Variants in GCSAML observed in about 807,000 individuals in gnomAD.
GCSAML encodes the protein germinal center associated signaling and motility like.
A neutral mutation model predicts 13.0 loss-of-function variants in GCSAML; 9 were observed. That is an observed-to-expected ratio of 0.69 (90% confidence interval 0.42 to 1.21). The LOEUF is 1.21. Ranked by LOEUF, GCSAML falls within the 50% of genes most tolerant of loss-of-function variation. The probability of loss-of-function intolerance (pLI) is 0.00; values close to 1 mark genes in which losing one functional copy is unlikely to be tolerated. For synonymous variants in GCSAML, 37 were observed against 52.9 expected, an observed-to-expected ratio of 0.70 and a Z score of 1.31; for missense variants, 143 against 153.4, an observed-to-expected ratio of 0.93 and a Z score of 0.36.
chr1:247,530,748 T>G (rs1311646599), intron 2 of GCSAML: 2 of 149,440 alleles, frequency 1.3e-5, no homozygotes, highest in Non-Finnish European at 2.9e-5. Flanking sequence ...CCGTCAGGAC[T>G]AGGTAGGTCT....
At chr1:247,571,029 T>C (rs1180495766) in intron 4 of GCSAML, among the ~76,000 whole-genome samples, 1 of 152,072 alleles carries the variant, frequency 6.6e-6, no homozygotes, top group Non-Finnish European at 1.5e-5. Context: ...CACCACCTGC[T>C]CTTTTTTGCT....
At chr1:247,561,091 C>A (rs972964112) in intron 2 of GCSAML, among the ~76,000 whole-genome samples, 1 of 152,046 alleles carries the variant, frequency 6.6e-6, no homozygotes, top group African/African-American at 2.4e-5. Flanking sequence ...GTAGCTGAGA[C>A]TACAGGTGCA....
chr1:247,533,349 A>G (rs1667088276), intron 2 of GCSAML, among the ~76,000 whole-genome samples: 1 of 152,130 alleles, frequency 6.6e-6, no homozygotes, highest in Non-Finnish European at 1.5e-5. Flanking sequence ...TCTTCCCCGC[A>G]GTTAGCCATA....
intron 2 of GCSAML, among the ~76,000 whole-genome samples, chr1:247,532,948 A>G (rs1470469070): frequency 6.6e-6 from 1 of 152,186 alleles, no homozygotes; most frequent in African/African-American, 2.4e-5. Context: ...AAATGGAAAT[A>G]TTATAGTAAC....
intron 4 of GCSAML, among the ~76,000 whole-genome samples, chr1:247,566,169 A>G (rs1463851028): frequency 6.6e-6 from 1 of 152,118 alleles, no homozygotes; most frequent in East Asian, 1.9e-4. Context: ...AAAAACCAAA[A>G]AGTATTTCAA....
Position 247,527,265 on chromosome 1 carries a change from A to G in GCSAML, c.-148+211A>G, listed in dbSNP as rs532119123. 3 of 352,424 alleles carry G rather than the reference A, an allele frequency of 8.5e-6. No homozygotes were observed. The highest frequency in any genetic ancestry group is 4.4e-5 in the South Asian group (2 of 45,590). The allele number at this position is 352,424 out of a possible 1,614,324, so 21.8% of individuals were successfully genotyped here. A position where few individuals can be genotyped will look rare whatever the true frequency, so the allele number is the denominator to read the frequency against. ...CAGGGCAAAGCACAGTGCTGTCCTC[A>G]TGGTTCTGGGAGGGTCTGCGTTGTC... is the stretch of plus-strand genomic sequence containing the variant. On this transcript the variant is annotated intron_variant, in intron 2 of 5. Transcript: ENST00000366489. The surrounding 1 kb of genome is among the most constrained non-coding windows in gnomAD (Gnocchi z 4.6).
chr1:247,516,560 T>G (rs1050968010), intron 1 of GCSAML, among the ~76,000 whole-genome samples: 2 of 151,838 alleles, frequency 1.3e-5, no homozygotes, highest in African/African-American at 2.4e-5. Context: ...ACTGTTTTTT[T>G]TTTTTTTTTT....
At chr1:247,554,655 T>C (rs897758233) in intron 1 of GCSAML, among the ~76,000 whole-genome samples, 10 of 152,288 alleles carry the variant, frequency 6.6e-5, no homozygotes, top group Middle Eastern at 6.8e-3. Flanking sequence ...TCCTTTATGA[T>C]TCCCTCTTTA....
chr1:247,576,982 C>T lies in GCSAML; in HGVS notation c.*2600C>T, dbSNP rs1407183195. 1.3e-5 allele frequency: 2 copies of T among 152,084 alleles called. No individual in the cohort carries two copies. Among genetic ancestry groups the T allele is most frequent in the South Asian group, 2.1e-4 (1 of 4,832 alleles). 9.4% of individuals were successfully genotyped at this position (152,084 alleles called of 1,614,324 possible). A position where few individuals can be genotyped will look rare whatever the true frequency, so the allele number is the denominator to read the frequency against. ...AAACAGTATTGATTGGTAGAAGGAA[C>T]GTTGAAATCCAAGAGCATCAATGTC... On this transcript the variant is annotated 3_prime_UTR_variant, in exon 5 of 5. Coordinates refer to ENST00000366488, the MANE Select transcript of GCSAML (RefSeq NM_145278.5).
chr1:247,516,969 A>C (rs1296049755), intron 1 of GCSAML, among the ~76,000 whole-genome samples: 1 of 152,214 alleles, frequency 6.6e-6, no homozygotes, highest in Non-Finnish European at 1.5e-5. Context: ...AGTGCAGGTC[A>C]TAAGACATAC....
intron 2 of GCSAML, among the ~76,000 whole-genome samples, chr1:247,534,464 T>C (rs1042641372): frequency 5.9e-5 from 9 of 152,202 alleles, no homozygotes; most frequent in Non-Finnish European, 1.2e-4. Flanking sequence ...GCCAGAGTCA[T>C]GCAGAAGGGT....
intron 2 of GCSAML, among the ~76,000 whole-genome samples, chr1:247,563,144 G>A (rs1019679170): frequency 3.3e-5 from 5 of 151,674 alleles, no homozygotes; most frequent in African/African-American, 7.3e-5. Context: ...CATCCCACCC[G>A]GCCACCACAC....
At chr1:247,557,010 T>A (rs1667978612) in intron 2 of GCSAML, among the ~76,000 whole-genome samples, 1 of 152,180 alleles carries the variant, frequency 6.6e-6, no homozygotes, top group African/African-American at 2.4e-5. Context: ...GCCACCAAAC[T>A]CAGCCTCACT....
At chr1:247,532,655 T>A in intron 2 of GCSAML, 1 of 819,046 alleles carries the variant, frequency 1.2e-6, no homozygotes, top group Non-Finnish European at 1.9e-6. Context: ...AGAGACACAA[T>A]TTCACTGTGT....
chr1:247,544,758 G>C (rs1667512265), upstream of GCSAML, among the ~76,000 whole-genome samples: 1 of 152,188 alleles, frequency 6.6e-6, no homozygotes, highest in Non-Finnish European at 1.5e-5. Context: ...GGGAGCCCAA[G>C]GCAGGAGAAT....
At chr1:247,513,345 C>T (rs972827144) in intron 1 of GCSAML, among the ~76,000 whole-genome samples, 6 of 152,148 alleles carry the variant, frequency 3.9e-5, no homozygotes, top group African/African-American at 9.7e-5. Context: ...TCAGTAATGG[C>T]GGACACCCCT....
chr1:247,547,946 G>A (rs1179047406), upstream of GCSAML, among the ~76,000 whole-genome samples: 1 of 152,158 alleles, frequency 6.6e-6, no homozygotes, highest in Non-Finnish European at 1.5e-5. Context: ...TGACATTCCT[G>A]CTTGTAATAT....
upstream of GCSAML, among the ~76,000 whole-genome samples, chr1:247,547,274 G>C (rs1214162783): frequency 2.0e-5 from 3 of 152,148 alleles, no homozygotes; most frequent in Non-Finnish European, 4.4e-5. Context: ...CAGCAGCCAT[G>C]GCCATAATAA....
intron 4 of GCSAML, among the ~76,000 whole-genome samples, chr1:247,571,605 C>G (rs1159630899): frequency 6.6e-6 from 1 of 152,160 alleles, no homozygotes; most frequent in Non-Finnish European, 1.5e-5. Flanking sequence ...GTGGGTAACC[C>G]AACCTTTCTT....
Sources: gnomAD v4.1 joint callset for allele counts (sites outside exome capture counted in the v4.1 genomes callset) on GRCh38, gnomAD v4.1.1 for gene constraint, Gnocchi (gnomAD v3.1) non-coding constraint, MANE v1.5 for transcripts, NCBI Gene and HGNC (gene_info 2026-07-23, HGNC 2026-07-21) for gene names.